Variants in MAGI1 observed in about 807,000 individuals in gnomAD.
MAGI1 encodes membrane associated guanylate kinase, WW and PDZ domain containing 1.
Under a neutral mutation model 139.9 loss-of-function variants are expected in MAGI1, and 58 were observed. The ratio of observed to expected loss-of-function variants is 0.41; its 90% CI spans 0.34 to 0.52. The LOEUF is 0.52. Ranked by LOEUF, MAGI1 falls within the 20% of genes least tolerant of loss-of-function variation. The pLI is 0.12. For missense variants in MAGI1, 1,874 were observed against 1,901.6 expected, an observed-to-expected ratio of 0.99 and a Z score of 0.27; for synonymous variants, 812 against 737.9, an observed-to-expected ratio of 1.10 and a Z score of -1.63.
chr3:65,651,496 G>C (rs2085577780), intron 1 of MAGI1, among the ~76,000 whole-genome samples: 1 of 152,148 alleles, frequency 6.6e-6, no homozygotes, highest in Non-Finnish European at 1.5e-5. Flanking sequence ...ATGGTGGTTA[G>C]CTGTGCACAT....
intron 2 of MAGI1, among the ~76,000 whole-genome samples, chr3:65,560,704 C>T (rs1334849191): frequency 1.3e-5 from 2 of 152,148 alleles, no homozygotes; most frequent in Non-Finnish European, 2.9e-5. Context: ...CCAAGTGAAA[C>T]CCATCTGGTA....
At chr3:65,962,162 G>A (rs1195506159) in intron 1 of MAGI1, among the ~76,000 whole-genome samples, 4 of 138,820 alleles carry the variant, frequency 2.9e-5, no homozygotes, top group Admixed American at 7.8e-5. Flanking sequence ...TCTCTCTGTC[G>A]CCCAGGCTGG....
chr3:65,517,010 G>A lies in MAGI1; in HGVS notation c.431-23379C>T, dbSNP rs1459516187. Among the ~76,000 whole-genome samples, 4 of 151,840 alleles carry A rather than the reference G, an allele frequency of 2.6e-5. No individual in the cohort carries two copies. The East Asian group carries it at 7.8e-4, about 30-fold the overall frequency. ...CCCAAAGTGCTGGGATTACAGGCGT[G>A]AGCCACCGCGCCCGGCCCCATCCCA... On this transcript the variant is annotated intron_variant, in intron 2 of 22. Coordinates refer to ENST00000402939, the MANE Select transcript of MAGI1 (RefSeq NM_001033057.2).
intron 1 of MAGI1, among the ~76,000 whole-genome samples, chr3:65,691,435 C>T (rs2088647549): frequency 6.6e-6 from 1 of 152,018 alleles, no homozygotes; most frequent in African/African-American, 2.4e-5. Flanking sequence ...ACTTTTGCAC[C>T]AACCTAAATA....
intron 12 of MAGI1, among the ~76,000 whole-genome samples, chr3:65,427,780 G>A (rs538608292): frequency 6.6e-6 from 1 of 152,236 alleles, no homozygotes; most frequent in Non-Finnish European, 1.5e-5. Context: ...GGCACGTGCA[G>A]GTATGAAAGT....
At chr3:65,646,472 CTCTT>C (rs1348817004) in intron 1 of MAGI1, among the ~76,000 whole-genome samples, 6 of 152,122 alleles carry the variant, frequency 3.9e-5, no homozygotes, top group Non-Finnish European at 8.8e-5. Context: ...ACATCTCTCT[CTCTT>C]TCTCTCTCTC....
chr3:65,518,778 A>AT (rs2078017557), intron 2 of MAGI1, among the ~76,000 whole-genome samples: 1 of 152,014 alleles, frequency 6.6e-6, no homozygotes, highest in African/African-American at 2.4e-5. Flanking sequence ...CAAAAAAAAA[A>AT]TAAATAAATA....
intron 1 of MAGI1, among the ~76,000 whole-genome samples, chr3:65,742,607 G>A (rs1477023003): frequency 6.6e-6 from 1 of 152,152 alleles, no homozygotes; most frequent in Non-Finnish European, 1.5e-5. Flanking sequence ...ATGTGTCTGT[G>A]CATTCCCCAG....
chr3:65,690,723 A>ACCTCCCAATGTGCTGGGATCACAG (rs2088529406), intron 1 of MAGI1, among the ~76,000 whole-genome samples: 3 of 133,326 alleles, frequency 2.3e-5, no homozygotes, highest in African/African-American at 6.2e-5. Context: ...CAAGTGATCC[A>ACCTCCCAATGTGCTGGGATCACAG]CCTCCCAATG....
intron 1 of MAGI1, among the ~76,000 whole-genome samples, chr3:65,706,016 C>G (rs2030208090): frequency 6.6e-6 from 1 of 152,202 alleles, no homozygotes; most frequent in Non-Finnish European, 1.5e-5. Flanking sequence ...AAAGTACAAA[C>G]TGACTGTATT....
At chr3:65,383,015 G>C (rs1323107247) in intron 15 of MAGI1, among the ~76,000 whole-genome samples, 4 of 152,096 alleles carry the variant, frequency 2.6e-5, no homozygotes, top group African/African-American at 9.7e-5. Context: ...TTCCAAAATG[G>C]AGGACACTGA....
intron 2 of MAGI1, among the ~76,000 whole-genome samples, chr3:65,590,222 C>T (rs369375774): frequency 6.6e-5 from 10 of 152,300 alleles, no homozygotes; most frequent in African/African-American, 2.4e-4. Context: ...ACCCATGTGA[C>T]GGTGGGATGT....
chr3:65,438,606 C>T (rs530846133), intron 9 of MAGI1, among the ~76,000 whole-genome samples: 1 of 152,212 alleles, frequency 6.6e-6, no homozygotes, highest in Non-Finnish European at 1.5e-5. Context: ...CATACCTACT[C>T]TCTCTAAATT....
intron 1 of MAGI1, among the ~76,000 whole-genome samples, chr3:65,820,540 G>A (rs573636909): frequency 6.6e-6 from 1 of 152,026 alleles, no homozygotes. Flanking sequence ...ATCTTTCGGG[G>A]TCATGAGCCT....
At chr3:65,485,683 G>A (rs912311036) in intron 3 of MAGI1, among the ~76,000 whole-genome samples, 13 of 152,116 alleles carry the variant, frequency 8.5e-5, no homozygotes, top group African/African-American at 2.2e-4. Flanking sequence ...TACCTTTATC[G>A]TGCACATATT....
chr3:65,555,910 T>C (rs1265841264), intron 2 of MAGI1, among the ~76,000 whole-genome samples: 1 of 152,184 alleles, frequency 6.6e-6, no homozygotes, highest in Non-Finnish European at 1.5e-5. Context: ...TGATGGAAAC[T>C]AGGCATTCAC....
At chr3:65,473,918 TC>T (rs138738796) in intron 4 of MAGI1, among the ~76,000 whole-genome samples, 8,212 of 152,218 alleles carry the variant, frequency 0.054, 251 homozygotes, top group Admixed American at 0.087. Flanking sequence ...CACGGCAGAC[TC>T]AAGAATTCAC....
intron 2 of MAGI1, among the ~76,000 whole-genome samples, chr3:65,527,279 A>G (rs948427890): frequency 2.6e-5 from 4 of 152,208 alleles, no homozygotes; most frequent in African/African-American, 9.6e-5. Context: ...TACATTGTTC[A>G]GAGTTAATTA....
At position 65,804,933 on chromosome 3, in the gene MAGI1, A is replaced by T. The variant is rs574490144; in HGVS notation, c.314-182845T>A. 2.0e-5 allele frequency among the ~76,000 whole-genome samples: 3 copies of T among 152,344 alleles called. No individual in the cohort carries two copies. In the East Asian group the frequency reaches 5.8e-4, roughly 29 times the overall value. ...CTTCCTTACACCTTATACAAAAATT[A>T]ACTCAAGATGGATTCAAGACTTAAA... On this transcript the variant is annotated intron_variant, in intron 1 of 22. Coordinates refer to ENST00000402939, the MANE Select transcript of MAGI1 (RefSeq NM_001033057.2).
Sources: allele counts gnomAD v4.1 joint callset (sites outside exome capture counted in the v4.1 genomes callset), GRCh38; gene constraint gnomAD v4.1.1; transcripts MANE v1.5; gene names NCBI Gene and HGNC (gene_info 2026-07-23, HGNC 2026-07-21).